The following DARS1 variants were observed in gnomAD, a reference collection of about 807,000 sequenced individuals.
The protein encoded by DARS1 is aspartate--tRNA ligase, cytoplasmic.
DARS1 carries 51 observed loss-of-function variants against 68.8 expected under a neutral mutation model. The ratio of observed to expected loss-of-function variants is 0.74; its 90% CI spans 0.59 to 0.94. The LOEUF (loss-of-function observed/expected upper bound fraction) is 0.94. Among genes scored for constraint, DARS1 ranks in the 40% least tolerant of loss-of-function variants. The pLI is 0.00. For missense variants in DARS1, 607 were observed against 597.3 expected (o/e 1.02, Z -0.17); for synonymous variants, 203 against 190.4 (o/e 1.07, Z -0.55).
intron 1 of DARS1, 180 bp downstream of exon 1, chr2:135,985,223 T>C: frequency 1.0e-6 from 1 of 991,318 alleles, no homozygotes. Context: ...AGAAACGCGG[T>C]CCGGAGAGGG....
chr2:135,971,841 A>G (rs1682377638), intron 3 of DARS1, among the ~76,000 whole-genome samples: 1 of 152,096 alleles, frequency 6.6e-6, no homozygotes, highest in Non-Finnish European at 1.5e-5. Context: ...GTAATCCCAC[A>G]TACAATAACC....
At chr2:135,939,903 T>G (rs1301457711) in intron 5 of DARS1, among the ~76,000 whole-genome samples, 1 of 152,026 alleles carries the variant, frequency 6.6e-6, no homozygotes, top group African/African-American at 2.4e-5. Context: ...AACTAGAAAG[T>G]CTAGAAGAAA....
intron 11 of DARS1, among the ~76,000 whole-genome samples, chr2:135,915,188 T>C (rs1165970861): frequency 2.6e-5 from 4 of 152,214 alleles, no homozygotes; most frequent in Non-Finnish European, 5.9e-5. Flanking sequence ...AATCATTTCC[T>C]TTCCCTCCTA....
rs77244692 is a variant in DARS1, at chr2:135,954,816, G to A, written c.320+6580C>T. 6.2e-4 allele frequency among the ~76,000 whole-genome samples: 95 copies of A among 152,200 alleles called. 3 individuals carry two copies. In the East Asian group the frequency reaches 0.017, roughly 27 times the overall value. On this transcript the variant is annotated intron_variant, in intron 4 of 15. Coordinates refer to ENST00000264161, the MANE Select transcript of DARS1 (RefSeq NM_001349.4). ...CACCTGCTACAGAGGTCGAGGAAGA[G>A]TAGCCCATCATTATTCACATAATCT...
intron 4 of DARS1, among the ~76,000 whole-genome samples, chr2:135,943,965 T>C (rs893600358): frequency 6.6e-6 from 1 of 152,200 alleles, no homozygotes; most frequent in African/African-American, 2.4e-5. Context: ...TGCAATTAAA[T>C]CCTCACTACC....
intron 5 of DARS1, 61 bp downstream of exon 5, chr2:135,943,317 T>G (rs772520688): frequency 6.4e-7 from 1 of 1,564,234 alleles, no homozygotes; most frequent in Admixed American, 2.0e-5. Context: ...AAATTTGACA[T>G]GAAAACTATT....
At chr2:135,926,921 T>C (rs1187453952) in intron 7 of DARS1, among the ~76,000 whole-genome samples, 2 of 152,214 alleles carry the variant, frequency 1.3e-5, no homozygotes, top group African/African-American at 4.8e-5. Context: ...AAACTTTTTG[T>C]ACCTACTGCT....
chr2:135,964,158 C>G (rs1469060154), intron 3 of DARS1, among the ~76,000 whole-genome samples: 4 of 152,050 alleles, frequency 2.6e-5, no homozygotes, highest in African/African-American at 9.7e-5. Flanking sequence ...AGTGATAAAA[C>G]CATATGTAAC....
rs75999734 is a variant in DARS1 at position 135,963,141 on chromosome 2, T to C, written c.218-1643A>G. Among the ~76,000 whole-genome samples the C allele has an allele frequency of 4.5e-3, 679 of 152,162 alleles. 6 individuals are homozygous for C. Among genetic ancestry groups the C allele is most frequent in the African/African-American group, 0.015 (630 of 41,510 alleles). On this transcript the variant is annotated intron_variant, in intron 3 of 15. Transcript: ENST00000264161. ...TGGGTCGGCACTAGGGGGTAACAAT[T>C]AGTGTGTCTGGTAGAAAAAAAAGTA...
chr2:135,966,779 C>A (rs1682247466), intron 3 of DARS1, among the ~76,000 whole-genome samples: 1 of 152,180 alleles, frequency 6.6e-6, no homozygotes. Context: ...AGTGATCCAC[C>A]TGCCTCAGCC....
intron 2 of DARS1, chr2:135,980,432 G>A (rs746356581): frequency 9.2e-5 from 14 of 152,132 alleles, no homozygotes; most frequent in Non-Finnish European, 1.3e-4. Flanking sequence ...ATGTCTTACC[G>A]AATTTTTCTA....
At position 135,907,258 on chromosome 2, in the gene DARS1, T is replaced by C; in HGVS notation, c.*58A>G. ...TGTGGCTTTCTTTTTTTTTTTTTTT[T>C]TTTGAGGCAGGGTCTCGCTCTGTCA... On this transcript the variant is annotated 3_prime_UTR_variant, in exon 16 of 16. Coordinates refer to ENST00000264161, the MANE Select transcript of DARS1 (RefSeq NM_001349.4). The C allele has an allele frequency of 1.0e-6, 1 of 976,858 alleles. No individual in the cohort carries two copies. The highest frequency in any genetic ancestry group is 1.5e-6 in the Non-Finnish European group (1 of 681,732). The allele number at this position is 976,858 out of a possible 1,614,324, so 60.5% of individuals were successfully genotyped here.
chr2:135,945,855 T>C (rs2104821299), intron 4 of DARS1, among the ~76,000 whole-genome samples: 1 of 152,300 alleles, frequency 6.6e-6, no homozygotes, highest in South Asian at 2.1e-4. Context: ...TAGAGAACAG[T>C]TAATTTTTTT....
At position 135,929,164 on chromosome 2, in the gene DARS1, T is replaced by G. The variant is rs183436232; in HGVS notation, c.564+3619A>C. Among the ~76,000 whole-genome samples, 18 of 152,310 alleles carry G rather than the reference T, an allele frequency of 1.2e-4. No individual in the cohort carries two copies. In the East Asian group the frequency reaches 1.5e-3, roughly 13 times the overall value. On this transcript the variant is annotated intron_variant, in intron 7 of 15. Coordinates refer to ENST00000264161, the MANE Select transcript of DARS1 (RefSeq NM_001349.4). ...AGCATCCTTAAAATGTTTTTCTAAC[T>G]GATGCATTGGTCTTGAGGTCAACAG... is the stretch of plus-strand genomic sequence containing the variant.
intron 15 of DARS1, among the ~76,000 whole-genome samples, chr2:135,908,825 C>A (rs1424538938): frequency 6.6e-6 from 1 of 152,152 alleles, no homozygotes; most frequent in African/African-American, 2.4e-5. Flanking sequence ...AATAAAGATA[C>A]ATGCACGTGT....
Position 135,907,261 on chromosome 2 carries a change from T to TTTTTTTTTTTTTTTG in DARS1, c.*54_*55insCAAAAAAAAAAAAAA, listed in dbSNP as rs1680805312. On this transcript the variant is annotated 3_prime_UTR_variant, in exon 16 of 16. Transcript: ENST00000264161. Reference sequence around the variant, plus strand: ...GGCTTTCTTTTTTTTTTTTTTTTTTTGAGGCAGGGTCTCGCTCTGTCATCC... The same window carrying TTTTTTTTTTTTTTTG: ...GGCTTTCTTTTTTTTTTTTTTTTTTTTTTTTTTTTTTTTTGGAGGCAGGGTCTCGCTCTGTCATCC... The TTTTTTTTTTTTTTTG allele has an allele frequency of 3.0e-5, 27 of 889,158 alleles. No individual in the cohort carries two copies. Among genetic ancestry groups the TTTTTTTTTTTTTTTG allele is most frequent in the Middle Eastern group, 3.0e-4 (1 of 3,314 alleles). The allele number at this position is 889,158 out of a possible 1,614,324, so 55.1% of individuals were successfully genotyped here.
At chr2:135,959,201 G>A (rs573882950) in intron 4 of DARS1, among the ~76,000 whole-genome samples, 71 of 151,888 alleles carry the variant, frequency 4.7e-4, no homozygotes, top group African/African-American at 1.7e-3. Context: ...AGACCAGCCT[G>A]ACCAACATGG....
intron 4 of DARS1, among the ~76,000 whole-genome samples, chr2:135,948,687 A>G (rs573399003): frequency 6.6e-6 from 1 of 152,214 alleles, no homozygotes; most frequent in South Asian, 2.1e-4. Context: ...CAACATGGTG[A>G]AACCCCGTCT....
rs770191951 is a variant in DARS1 at position 135,985,366 on chromosome 2, G to A, written c.66+37C>T. On this transcript the variant is annotated intron_variant, in intron 1 of 15. Coordinates refer to ENST00000264161, the MANE Select transcript of DARS1 (RefSeq NM_001349.4). ...TCCCTCGGCGCAGCCCGGCCCAGGG[G>A]TCTGTCCTCCCAGGCCCAGGAAAGG... 5.6e-6 allele frequency: 9 copies of A among 1,609,502 alleles called. No individual in the cohort carries two copies. In the Admixed American group the frequency reaches 1.5e-4, roughly 27 times the overall value.
Sources: allele counts gnomAD v4.1 joint callset (sites outside exome capture counted in the v4.1 genomes callset), GRCh38; gene constraint gnomAD v4.1.1; transcripts MANE v1.5; gene names NCBI Gene and HGNC (gene_info 2026-07-23, HGNC 2026-07-21).